The following RPIA variants were observed in gnomAD, a reference collection of about 807,000 sequenced individuals.
RPIA encodes ribose-5-phosphate isomerase.
RPIA carries 29 observed loss-of-function variants against 37.8 expected under a neutral mutation model. The observed-to-expected ratio is 0.77, with a 90% CI of 0.57 to 1.05. The LOEUF is 1.05. RPIA is among the 50% of genes least tolerant of loss of function. The probability of loss-of-function intolerance (pLI) is 0.00; values close to 1 mark genes in which losing one functional copy is unlikely to be tolerated. For synonymous variants in RPIA, 167 were observed against 157.0 expected, an observed-to-expected ratio of 1.06 and a Z score of -0.48; for missense variants, 385 against 413.6, an observed-to-expected ratio of 0.93 and a Z score of 0.60.
At chr2:88,692,735 G>GTAGT (rs1300460080) in intron 1 of RPIA, among the ~76,000 whole-genome samples, 2 of 152,180 alleles carry the variant, frequency 1.3e-5, no homozygotes, top group Admixed American at 6.5e-5. Flanking sequence ...GCCCTGTGGT[G>GTAGT]TAGTTTCCTT....
chr2:88,745,609 A>G (rs946228116), intron 8 of RPIA, among the ~76,000 whole-genome samples: 4 of 151,980 alleles, frequency 2.6e-5, no homozygotes, highest in Non-Finnish European at 2.9e-5. Context: ...TAAGACCCCA[A>G]TCCCTTCTGG....
At chr2:88,740,623 G>A (rs1673371378) in intron 8 of RPIA, among the ~76,000 whole-genome samples, 1 of 152,174 alleles carries the variant, frequency 6.6e-6, no homozygotes, top group African/African-American at 2.4e-5. Context: ...CTGAATTGAA[G>A]GGCCAGGGCT....
intron 3 of RPIA, among the ~76,000 whole-genome samples, chr2:88,707,297 G>A (rs1273759926): frequency 6.7e-6 from 1 of 149,362 alleles, no homozygotes; most frequent in African/African-American, 2.6e-5. Context: ...GACTTTTCTT[G>A]TGATTTTCTT....
At chr2:88,723,974 A>G (rs1247529608) in intron 3 of RPIA, among the ~76,000 whole-genome samples, 1 of 152,168 alleles carries the variant, frequency 6.6e-6, no homozygotes, top group East Asian at 1.9e-4. Flanking sequence ...TCTTTTGAGC[A>G]TCTGATTAGC....
intron 3 of RPIA, among the ~76,000 whole-genome samples, chr2:88,704,179 G>A (rs1306546209): frequency 6.6e-6 from 1 of 152,164 alleles, no homozygotes; most frequent in African/African-American, 2.4e-5. Context: ...ACCTCTGCCT[G>A]TTACCCAGTT....
chr2:88,725,575 T>G (rs1673186141), intron 3 of RPIA, among the ~76,000 whole-genome samples: 1 of 152,104 alleles, frequency 6.6e-6, no homozygotes, highest in African/African-American at 2.4e-5. Context: ...GCCTGTTTGT[T>G]TCTGTGTCAA....
At chr2:88,700,987 G>A in intron 3 of RPIA, among the ~76,000 whole-genome samples, 1 of 152,128 alleles carries the variant, frequency 6.6e-6, no homozygotes, top group South Asian at 2.1e-4. Context: ...GGGTTTCTTA[G>A]GAAACCCTCC....
intron 3 of RPIA, among the ~76,000 whole-genome samples, chr2:88,704,219 TTC>T (rs1672871347): frequency 6.6e-6 from 1 of 152,252 alleles, no homozygotes; most frequent in African/African-American, 2.4e-5. Flanking sequence ...TTCGGATATC[TTC>T]TCAGCAGCGC....
chr2:88,722,608 G>C (rs887432111), intron 3 of RPIA, among the ~76,000 whole-genome samples: 1 of 152,076 alleles, frequency 6.6e-6, no homozygotes, highest in African/African-American at 2.4e-5. Flanking sequence ...GTTTAGCTTT[G>C]AAACAAAGAC....
chr2:88,734,685 A>G (rs774693189), intron 5 of RPIA, 69 bp downstream of exon 5: 29 of 1,497,310 alleles, frequency 1.9e-5, no homozygotes, highest in Non-Finnish European at 2.4e-5. Context: ...CAAGATGGAT[A>G]CAGAATAAAC....
At chr2:88,725,185 A>G (rs937428376) in intron 3 of RPIA, among the ~76,000 whole-genome samples, 2 of 152,100 alleles carry the variant, frequency 1.3e-5, no homozygotes, top group African/African-American at 4.8e-5. Context: ...TCCCTGTTAG[A>G]AGCTTCTGGT....
intron 1 of RPIA, among the ~76,000 whole-genome samples, chr2:88,693,161 A>G (rs1676966902): frequency 6.6e-6 from 1 of 152,270 alleles, no homozygotes; most frequent in African/African-American, 2.4e-5. Context: ...GTGAATAGCT[A>G]ATAGATAAAT....
chr2:88,699,628 A>G (rs1480352484), intron 2 of RPIA, among the ~76,000 whole-genome samples: 1 of 152,192 alleles, frequency 6.6e-6, no homozygotes, highest in Non-Finnish European at 1.5e-5. Context: ...CAGTATAACT[A>G]CCGAGTTACA....
At chr2:88,722,122 A>T (rs532577853) in intron 3 of RPIA, among the ~76,000 whole-genome samples, 1 of 151,948 alleles carries the variant, frequency 6.6e-6, no homozygotes, top group South Asian at 2.1e-4. Context: ...ATTTTTTCTC[A>T]TACAAAATTA....
At chr2:88,703,205 G>A (rs1013359530) in intron 3 of RPIA, among the ~76,000 whole-genome samples, 2 of 152,174 alleles carry the variant, frequency 1.3e-5, no homozygotes, top group Non-Finnish European at 2.9e-5. Context: ...CATGGTGCAA[G>A]CTGTCAGTGG....
intron 8 of RPIA, among the ~76,000 whole-genome samples, chr2:88,741,405 G>T (rs961482000): frequency 4.6e-5 from 7 of 151,988 alleles, no homozygotes; most frequent in Non-Finnish European, 1.0e-4. Context: ...CCTTTTTATG[G>T]CTGAGTAGTA....
chr2:88,739,167 G>A (rs376428691), intron 8 of RPIA, among the ~76,000 whole-genome samples: 1 of 152,174 alleles, frequency 6.6e-6, no homozygotes, highest in Non-Finnish European at 1.5e-5. Flanking sequence ...GTCTTGAGAG[G>A]TATCAGCTTC....
intron 6 of RPIA, 127 bp from the exon 7 acceptor site, chr2:88,736,408 T>C: frequency 1.2e-6 from 1 of 861,398 alleles, no homozygotes; most frequent in South Asian, 1.4e-5. Flanking sequence ...TGTAGCCCCA[T>C]GTATATTGCC....
chr2:88,729,141 T>A (rs1553421722), intron 3 of RPIA, 137 bp from the exon 4 acceptor site: 2 of 863,606 alleles, frequency 2.3e-6, no homozygotes, highest in Non-Finnish European at 3.8e-6. Flanking sequence ...CTAGATCTCC[T>A]ACCTCATGGT....
Sources: gnomAD v4.1 joint callset for allele counts (sites outside exome capture counted in the v4.1 genomes callset) on GRCh38, gnomAD v4.1.1 for gene constraint, MANE v1.5 for transcripts, NCBI Gene and HGNC (gene_info 2026-07-23, HGNC 2026-07-21) for gene names.